The following PCDHGA5 variants were observed in gnomAD, a reference collection of about 807,000 sequenced individuals.
PCDHGA5 encodes the protein protocadherin gamma-A5.
Under a neutral mutation model 56.7 loss-of-function variants are expected in PCDHGA5, and 36 were observed. The ratio of observed to expected loss-of-function variants is 0.64; its 90% CI spans 0.49 to 0.84. PCDHGA5 has a LOEUF of 0.84. PCDHGA5 is among the 40% of genes least tolerant of loss of function. PCDHGA5 has a pLI of 0.00. For synonymous variants in PCDHGA5, 563 were observed against 520.2 expected, an observed-to-expected ratio of 1.08 and a Z score of -1.12; for missense variants, 1,305 against 1,201.5, an observed-to-expected ratio of 1.09 and a Z score of -1.27.
At chr5:141,382,059 C>T (rs1480800714) in intron 1 of PCDHGA5, among the ~76,000 whole-genome samples, 1 of 151,960 alleles carries the variant, frequency 6.6e-6, no homozygotes, top group South Asian at 2.1e-4. Context: ...AAGCTCCCGA[C>T]CTCAGGTGAT....
intron 1 of PCDHGA5, among the ~76,000 whole-genome samples, chr5:141,468,754 T>C (rs1205525962): frequency 6.6e-6 from 1 of 152,036 alleles, no homozygotes; most frequent in Admixed American, 6.6e-5. Flanking sequence ...TAGTCCCAGC[T>C]ACTCGGGAGG....
chr5:141,415,819 T>C, intron 1 of PCDHGA5: 1 of 1,328,322 alleles, frequency 7.5e-7, no homozygotes, highest in Admixed American at 3.5e-5. Context: ...CTATATATCA[T>C]AAGGCTTTGT....
chr5:141,384,708 G>T (rs1222018997), intron 1 of PCDHGA5: 3 of 1,614,116 alleles, frequency 1.9e-6, no homozygotes, highest in Non-Finnish European at 2.5e-6. Context: ...AGAACGCCTG[G>T]CTGTCATACC....
intron 1 of PCDHGA5, chr5:141,427,019 CAA>C (rs1369360584): frequency 8.8e-6 from 4 of 456,798 alleles, no homozygotes; most frequent in Admixed American, 2.3e-5. Flanking sequence ...AGGATGTATA[CAA>C]AGTCAGCCTT....
intron 1 of PCDHGA5, chr5:141,370,436 G>T: frequency 6.2e-7 from 1 of 1,604,136 alleles, no homozygotes; most frequent in Non-Finnish European, 8.5e-7. Context: ...CAGGGCAGAG[G>T]CGAATGCTAT....
At chr5:141,424,928 T>C (rs2096848391) in intron 1 of PCDHGA5, among the ~76,000 whole-genome samples, 1 of 152,204 alleles carries the variant, frequency 6.6e-6, no homozygotes, top group South Asian at 2.1e-4. Flanking sequence ...ATCAATTCAG[T>C]CAACACTCTC....
rs1562129544 is a variant in PCDHGA5 at position 141,489,362 on chromosome 5, C to G, written c.2422-5445C>G. ...TACTCAGTGGTGGAGGAGTCTGAGC[C>G]GGGGACGCTGGTGGGGAATGTTGCT... On this transcript the variant is annotated intron_variant, in intron 1 of 3. Transcript: ENST00000518069. This position sits in a 1 kb window ranked among gnomAD's most constrained non-coding sequence, Gnocchi z 4.5. 6.2e-7 allele frequency: 1 copy of G among 1,613,052 alleles called. No individual in the cohort carries two copies. Among genetic ancestry groups the G allele is most frequent in the Non-Finnish European group, 8.5e-7 (1 of 1,179,268 alleles).
chr5:141,413,446 G>T, intron 1 of PCDHGA5: 4 of 1,614,130 alleles, frequency 2.5e-6, no homozygotes, highest in Non-Finnish European at 3.4e-6. Context: ...CTTGATCACC[G>T]CGGGCAGGAT....
intron 1 of PCDHGA5, chr5:141,370,676 G>A (rs772923764): frequency 1.9e-6 from 3 of 1,613,892 alleles, no homozygotes; most frequent in Non-Finnish European, 2.5e-6. Context: ...ACCGAGAGGA[G>A]ATTTGTGGCA....
chr5:141,489,459 C>T lies in PCDHGA5; in HGVS notation c.2422-5348C>T. The T allele has an allele frequency of 6.2e-7, 1 of 1,614,086 alleles. No homozygotes were observed. The highest frequency in any genetic ancestry group is 8.5e-7 in the Non-Finnish European group (1 of 1,180,012). On this transcript the variant is annotated intron_variant, in intron 1 of 3. Coordinates refer to ENST00000518069, the MANE Select transcript of PCDHGA5 (RefSeq NM_018918.3). The surrounding 1 kb of genome is among the most constrained non-coding windows in gnomAD (Gnocchi z 4.5). The stretch of plus-strand genomic sequence containing the variant: ...AATTGGGCTCTGAGGAGAATGGGCG[C>T]TATTTTTCCCTGAGCTTGATGAGTG...
rs749590670 is a variant in PCDHGA5, at chr5:141,415,328, A to T, written c.2421+48577A>T. 7.9e-5 allele frequency: 127 copies of T among 1,614,184 alleles called. No individual in the cohort carries two copies. The Admixed American group carries it at 1.9e-3, about 24-fold the overall frequency. ...GCCTTCGTCATCGTGCTGCTGGCGC[A>T]CAGGCTGCGGCGCTGGCACAAGTCA... On this transcript the variant is annotated intron_variant, in intron 1 of 3. Transcript: ENST00000518069.
intron 2 of PCDHGA5, among the ~76,000 whole-genome samples, chr5:141,500,877 A>AT (rs369345007): frequency 0.053 from 6,532 of 122,188 alleles, 326 homozygotes; most frequent in Admixed American, 0.19. Context: ...TTCATTTACA[A>AT]TTTTTTTTTT....
At position 141,404,694 on chromosome 5, in the gene PCDHGA5, C is replaced by G. The variant is rs749803871; in HGVS notation, c.2421+37943C>G. 3.1e-6 allele frequency: 5 copies of G among 1,613,998 alleles called. No individual in the cohort carries two copies. In the Admixed American group the frequency reaches 5.0e-5, roughly 16 times the overall value. On this transcript the variant is annotated intron_variant, in intron 1 of 3. Coordinates refer to ENST00000518069, the MANE Select transcript of PCDHGA5 (RefSeq NM_018918.3). ...ACTGGTGTGGAGCTGGCACCCCGCT[C>G]TGCAGAGCCTGGCTACCTGGTGACC...
intron 1 of PCDHGA5, chr5:141,421,044 C>CGCCT (rs891153203): frequency 6.4e-5 from 35 of 548,614 alleles, no homozygotes; most frequent in African/African-American, 6.0e-4. Context: ...CTCCCTCCCC[C>CGCCT]GCCTCTACCA....
chr5:141,470,825 C>T (rs557419577), intron 1 of PCDHGA5, among the ~76,000 whole-genome samples: 5 of 152,064 alleles, frequency 3.3e-5, no homozygotes, highest in Admixed American at 1.3e-4. Context: ...GTAGTTAGGA[C>T]GACAAACACA....
chr5:141,435,838 C>T (rs1037110579), intron 1 of PCDHGA5, among the ~76,000 whole-genome samples: 1 of 152,062 alleles, frequency 6.6e-6, no homozygotes, highest in Non-Finnish European at 1.5e-5. Context: ...TGCCTATCTA[C>T]TTTGAAAGAT....
Position 141,382,863 on chromosome 5 carries a change from C to G in PCDHGA5, c.2421+16112C>G, listed in dbSNP as rs1214467888. 4 of 1,516,660 alleles carry G rather than the reference C, an allele frequency of 2.6e-6. No homozygotes were observed. The South Asian group carries it at 4.0e-5, about 15-fold the overall frequency. The allele number at this position is 1,516,660 out of a possible 1,614,324, so 94.0% of individuals were successfully genotyped here. On this transcript the variant is annotated intron_variant, in intron 1 of 3. Coordinates refer to ENST00000518069, the MANE Select transcript of PCDHGA5 (RefSeq NM_018918.3). ...ATACACCCGCATTCTGAAGCACTTC[C>G]CGAGATCGGCGCCTAAGCAAGAGAA... is the stretch of plus-strand genomic sequence containing the variant.
At chr5:141,418,449 A>C in intron 1 of PCDHGA5, 1 of 1,614,040 alleles carries the variant, frequency 6.2e-7, no homozygotes, top group Non-Finnish European at 8.5e-7. Context: ...TTAGTATTGC[A>C]GAAGACTCTG....
intron 1 of PCDHGA5, chr5:141,383,525 A>C: frequency 6.2e-7 from 1 of 1,612,320 alleles, no homozygotes; most frequent in Non-Finnish European, 8.5e-7. Context: ...CGGGTTCACC[A>C]CCTGGTCCTC....
Sources: allele counts gnomAD v4.1 joint callset (sites outside exome capture counted in the v4.1 genomes callset), GRCh38; gene constraint gnomAD v4.1.1; non-coding constraint Gnocchi (gnomAD v3.1); transcripts MANE v1.5; gene names NCBI Gene and HGNC (gene_info 2026-07-23, HGNC 2026-07-21).